PRKG1: variants seen among roughly 807,000 people sequenced by gnomAD.
PRKG1 encodes the protein cGMP-dependent protein kinase 1.
Under a neutral mutation model 88.1 loss-of-function variants are expected in PRKG1, and 35 were observed. That is an observed-to-expected ratio of 0.40 (90% confidence interval 0.30 to 0.53). PRKG1 has a LOEUF of 0.53. PRKG1 is among the 20% of genes least tolerant of loss of function. PRKG1 has a pLI of 0.59. For missense variants in PRKG1, 540 were observed against 839.8 expected, an observed-to-expected ratio of 0.64 and a Z score of 4.41; for synonymous variants, 303 against 292.5, an observed-to-expected ratio of 1.04 and a Z score of -0.37.
chr10:51,162,259 A>G (rs1846383014), intron 2 of PRKG1, among the ~76,000 whole-genome samples: 1 of 151,910 alleles, frequency 6.6e-6, no homozygotes, highest in African/African-American at 2.4e-5. Flanking sequence ...CACAGAGAAC[A>G]TCCGAATTGG....
chr10:51,606,441 T>C (rs1838769450), intron 3 of PRKG1, among the ~76,000 whole-genome samples: 1 of 152,206 alleles, frequency 6.6e-6, no homozygotes, highest in Admixed American at 6.5e-5. Context: ...AGTATGTATG[T>C]GGTTTATTTC....
At chr10:51,399,223 AAG>A (rs1179119726) in intron 2 of PRKG1, among the ~76,000 whole-genome samples, 9 of 152,090 alleles carry the variant, frequency 5.9e-5, no homozygotes, top group Non-Finnish European at 1.0e-4. Context: ...ATATATGTAT[AAG>A]AGATTTGTTA....
intron 2 of PRKG1, among the ~76,000 whole-genome samples, chr10:51,429,284 C>T (rs1015334026): frequency 6.6e-6 from 1 of 152,118 alleles, no homozygotes. Flanking sequence ...CATAAACACC[C>T]TCATGGGGAG....
At chr10:51,621,687 G>A (rs1180130345) in intron 3 of PRKG1, among the ~76,000 whole-genome samples, 1 of 152,012 alleles carries the variant, frequency 6.6e-6, no homozygotes, top group Admixed American at 6.5e-5. Context: ...TTCTATTCTA[G>A]AATTCTGTCA....
Position 51,622,246 on chromosome 10 carries a change from A to T in PRKG1, c.592+154410A>T, listed in dbSNP as rs1839227768. Reference sequence around the variant, plus strand: ...TGATCCCAAGACTCAGGTCACCTGGAAAAGCTGGAATTAGTGACAAGGATG... The same window carrying T: ...TGATCCCAAGACTCAGGTCACCTGGTAAAGCTGGAATTAGTGACAAGGATG... On this transcript the variant is annotated intron_variant, in intron 3 of 17. Coordinates refer to ENST00000373980, the MANE Select transcript of PRKG1 (RefSeq NM_006258.4). Among the ~76,000 whole-genome samples the T allele has an allele frequency of 2.6e-5, 4 of 152,220 alleles. No homozygotes were observed. In the South Asian group the frequency reaches 8.3e-4, roughly 32 times the overall value.
At chr10:51,520,860 T>G (rs1841718919) in intron 3 of PRKG1, among the ~76,000 whole-genome samples, 1 of 152,338 alleles carries the variant, frequency 6.6e-6, no homozygotes, top group South Asian at 2.1e-4. Context: ...GATGTATTAC[T>G]TATGAAAAAC....
rs1417237934 is a variant in PRKG1 at position 51,029,897 on chromosome 10, A to G, written c.266+38253A>G. Among the ~76,000 whole-genome samples, 3 of 152,148 alleles carry G rather than the reference A, an allele frequency of 2.0e-5. No homozygotes were observed. In the East Asian group the frequency reaches 5.8e-4, roughly 29 times the overall value. ...TGGGGCAAGTAGGATAACTTCTCAC[A>G]TGTTCTCATGTGGGGAAGATTATGA... On this transcript the variant is annotated intron_variant, in intron 1 of 17. Coordinates refer to the PRKG1 transcript ENST00000401604.
At chr10:52,173,547 T>A (rs1300005027) in intron 9 of PRKG1, among the ~76,000 whole-genome samples, 1 of 152,170 alleles carries the variant, frequency 6.6e-6, no homozygotes. Flanking sequence ...TGAATTTAGA[T>A]CTTTAACTTG....
At chr10:51,805,865 A>C (rs1412706236) in intron 4 of PRKG1, among the ~76,000 whole-genome samples, 1 of 152,152 alleles carries the variant, frequency 6.6e-6, no homozygotes, top group Non-Finnish European at 1.5e-5. Context: ...ATCAGCATTA[A>C]TTACTGTCAG....
chr10:52,240,580 T>C (rs552238942), intron 9 of PRKG1, among the ~76,000 whole-genome samples: 176 of 152,270 alleles, frequency 1.2e-3, no homozygotes, highest in African/African-American at 4.0e-3. Context: ...TTTGGCAGCA[T>C]CATAGAACAA....
chr10:51,636,384 C>T (rs939659439), intron 3 of PRKG1, among the ~76,000 whole-genome samples: 2 of 152,086 alleles, frequency 1.3e-5, no homozygotes, highest in African/African-American at 4.8e-5. Flanking sequence ...TATTTGGATC[C>T]TATGCATCAT....
intron 5 of PRKG1, among the ~76,000 whole-genome samples, chr10:51,998,433 A>G (rs1000703000): frequency 1.1e-4 from 17 of 152,070 alleles, no homozygotes; most frequent in African/African-American, 4.1e-4. Flanking sequence ...TTACATTGCT[A>G]TGGTCACTTT....
At chr10:51,580,059 A>G (rs1332596180) in intron 3 of PRKG1, among the ~76,000 whole-genome samples, 1 of 151,970 alleles carries the variant, frequency 6.6e-6, no homozygotes, top group African/African-American at 2.4e-5. Flanking sequence ...CCACATTCTC[A>G]TATTTTTACT....
Position 51,642,344 on chromosome 10 carries a change from C to T in PRKG1, c.593-162241C>T, listed in dbSNP as rs542604314. 7.7e-4 allele frequency among the ~76,000 whole-genome samples: 117 copies of T among 152,258 alleles called. 2 individuals are homozygous for T. The South Asian group carries it at 0.024, about 31-fold the overall frequency. The stretch of plus-strand genomic sequence containing the variant: ...GATGGAGGTTGCAGTGAGCCAAGAT[C>T]ATGCCACTGCACTCCAGGCTGGTTG... On this transcript the variant is annotated intron_variant, in intron 3 of 17. Transcript: ENST00000373980.
chr10:52,252,070 A>T (rs1841185058), intron 10 of PRKG1: 1 of 156,482 alleles, frequency 6.4e-6, no homozygotes, highest in South Asian at 1.9e-4. Context: ...AATACATATA[A>T]AGGGAAATCG....
At chr10:51,221,876 CTT>C (rs11405552) in intron 2 of PRKG1, among the ~76,000 whole-genome samples, 8 of 127,146 alleles carry the variant, frequency 6.3e-5, no homozygotes, top group East Asian at 2.2e-4. Flanking sequence ...TCTTTTCTTT[CTT>C]TTTTTTTTTT....
At chr10:51,616,685 G>C (rs959512018) in intron 3 of PRKG1, among the ~76,000 whole-genome samples, 6 of 152,166 alleles carry the variant, frequency 3.9e-5, no homozygotes, top group Non-Finnish European at 5.9e-5. Flanking sequence ...GGTGTGTGCA[G>C]TTACCAGCTA....
At chr10:52,125,550 T>A (rs1177207309) in intron 7 of PRKG1, among the ~76,000 whole-genome samples, 3 of 152,176 alleles carry the variant, frequency 2.0e-5, no homozygotes, top group African/African-American at 7.2e-5. Flanking sequence ...CAGAAACAGA[T>A]GATCATATGG....
intron 2 of PRKG1, among the ~76,000 whole-genome samples, chr10:51,435,027 A>T (rs1838880281): frequency 2.0e-5 from 3 of 152,070 alleles, no homozygotes; most frequent in African/African-American, 7.2e-5. Flanking sequence ...ACCATAAAAA[A>T]ATTTCTCTTT....
Sources: allele counts gnomAD v4.1 joint callset (sites outside exome capture counted in the v4.1 genomes callset), GRCh38; gene constraint gnomAD v4.1.1; transcripts MANE v1.5; gene names NCBI Gene and HGNC (gene_info 2026-07-23, HGNC 2026-07-21).